Variants in AGBL1 observed in about 807,000 individuals in gnomAD.
AGBL1 encodes cytosolic carboxypeptidase 4.
AGBL1 carries 130 observed loss-of-function variants against 118.9 expected under a neutral mutation model. The ratio of observed to expected loss-of-function variants is 1.09; its 90% CI spans 0.95 to 1.26. The LOEUF is 1.26. Among genes scored for constraint, AGBL1 ranks in the 50% most tolerant of loss-of-function variants. AGBL1 has a pLI of 0.00. For synonymous variants in AGBL1, 555 were observed against 478.9 expected (o/e 1.16, Z -2.08); for missense variants, 1,584 against 1,298.1 (o/e 1.22, Z -3.38).
intron 21 of AGBL1, among the ~76,000 whole-genome samples, chr15:86,658,169 C>T (rs1473953437): frequency 2.0e-5 from 3 of 151,988 alleles, no homozygotes. Flanking sequence ...AATGTATTCT[C>T]GTAGCATCCT....
intron 24 of AGBL1, among the ~76,000 whole-genome samples, chr15:87,002,787 A>G (rs1307082121): frequency 1.3e-5 from 2 of 152,026 alleles, no homozygotes; most frequent in African/African-American, 4.8e-5. Context: ...TTTGTCTGTT[A>G]TTGGTGTATA....
chr15:86,717,511 C>A (rs2142708908), intron 22 of AGBL1, among the ~76,000 whole-genome samples: 1 of 152,216 alleles, frequency 6.6e-6, no homozygotes, highest in Middle Eastern at 3.4e-3. Flanking sequence ...TCTTCCATTA[C>A]AATTCTTATA....
intron 1 of AGBL1, among the ~76,000 whole-genome samples, chr15:86,124,291 C>A (rs1296470390): frequency 6.9e-6 from 1 of 144,350 alleles, no homozygotes; most frequent in Non-Finnish European, 1.5e-5. Flanking sequence ...GATTGCACCA[C>A]TGCACTACAG....
At chr15:86,544,122 A>G (rs577141793) in intron 19 of AGBL1, among the ~76,000 whole-genome samples, 22 of 152,202 alleles carry the variant, frequency 1.4e-4, no homozygotes, top group Admixed American at 7.9e-4. Flanking sequence ...TGTATAATAA[A>G]CCACAGCAAA....
chr15:86,307,764 GACAA>G (rs1429122241), intron 17 of AGBL1, among the ~76,000 whole-genome samples: 3 of 151,938 alleles, frequency 2.0e-5, no homozygotes, highest in Non-Finnish European at 2.9e-5. Flanking sequence ...TCTCTAATCA[GACAA>G]ACAGTTTTGT....
intron 24 of AGBL1, among the ~76,000 whole-genome samples, chr15:87,025,883 A>T (rs1465023339): frequency 1.3e-5 from 2 of 150,972 alleles, no homozygotes; most frequent in South Asian, 2.1e-4. Context: ...TCTTCAACAA[A>T]GCAAACAAAA....
At chr15:86,219,683 C>T (rs893083153) in intron 5 of AGBL1, among the ~76,000 whole-genome samples, 2 of 152,116 alleles carry the variant, frequency 1.3e-5, no homozygotes, top group Non-Finnish European at 2.9e-5. Context: ...CTGTACCACA[C>T]TGTGCTATGT....
intron 5 of AGBL1, among the ~76,000 whole-genome samples, chr15:86,192,128 A>C (rs2077732773): frequency 6.6e-6 from 1 of 151,548 alleles, no homozygotes; most frequent in Non-Finnish European, 1.5e-5. Flanking sequence ...CAATACACAC[A>C]CACCCACACA....
At chr15:86,960,430 C>G (rs751405621) in intron 23 of AGBL1, among the ~76,000 whole-genome samples, 2 of 151,922 alleles carry the variant, frequency 1.3e-5, no homozygotes, top group Admixed American at 1.3e-4. Flanking sequence ...GGGTAAGGAT[C>G]AGATTCAAGT....
chr15:86,179,525 A>G (rs1177205861), intron 5 of AGBL1, among the ~76,000 whole-genome samples: 1 of 152,170 alleles, frequency 6.6e-6, no homozygotes, highest in Non-Finnish European at 1.5e-5. Context: ...TCCCAATAAA[A>G]AGCGCAATAC....
chr15:86,383,122 C>T (rs913079387), intron 17 of AGBL1, among the ~76,000 whole-genome samples: 8 of 151,638 alleles, frequency 5.3e-5, no homozygotes, highest in Admixed American at 2.0e-4. Context: ...TTGTGCTGTT[C>T]TCATGTGGTG....
intron 18 of AGBL1, among the ~76,000 whole-genome samples, chr15:86,519,093 T>A (rs2083155857): frequency 2.0e-5 from 3 of 152,140 alleles, no homozygotes; most frequent in Admixed American, 6.6e-5. Context: ...AATAACATCA[T>A]CCTTTGATAT....
At chr15:86,871,144 T>C (rs574490798) in intron 22 of AGBL1, among the ~76,000 whole-genome samples, 2 of 152,304 alleles carry the variant, frequency 1.3e-5, no homozygotes, top group African/African-American at 4.8e-5. Context: ...AGAAAAGCCG[T>C]TGTCATTTTG....
intron 24 of AGBL1, among the ~76,000 whole-genome samples, chr15:87,000,176 T>C (rs1460154414): frequency 1.4e-5 from 1 of 70,730 alleles, no homozygotes; most frequent in African/African-American, 4.2e-5. Context: ...ATTTTGTAGG[T>C]TGCCTGTTCA....
intron 22 of AGBL1, among the ~76,000 whole-genome samples, chr15:86,896,271 G>A (rs926561536): frequency 2.6e-5 from 4 of 151,446 alleles, no homozygotes; most frequent in Non-Finnish European, 5.9e-5. Flanking sequence ...GCTGCTTTTC[G>A]TATCTGCTGA....
intron 23 of AGBL1, among the ~76,000 whole-genome samples, chr15:86,957,711 C>G (rs976384230): frequency 6.6e-6 from 1 of 151,892 alleles, no homozygotes; most frequent in Non-Finnish European, 1.5e-5. Flanking sequence ...AATTTCAAAA[C>G]AAATGTAGAT....
intron 19 of AGBL1, among the ~76,000 whole-genome samples, chr15:86,523,523 C>G (rs2083217933): frequency 6.6e-6 from 1 of 152,090 alleles, no homozygotes; most frequent in South Asian, 2.1e-4. Context: ...ATTGACCCCA[C>G]AACAAAGGCA....
intron 22 of AGBL1, among the ~76,000 whole-genome samples, chr15:86,770,695 A>G (rs2078164764): frequency 6.6e-6 from 1 of 151,940 alleles, no homozygotes; most frequent in Non-Finnish European, 1.5e-5. Flanking sequence ...TGTAGAGGGT[A>G]TCGTAGGAGC....
chr15:87,027,531 A>G (rs916176227), intron 24 of AGBL1, among the ~76,000 whole-genome samples: 4 of 151,216 alleles, frequency 2.6e-5, no homozygotes, highest in African/African-American at 9.7e-5. Context: ...TATGTATTAT[A>G]TAGATGTATA....
Sources: gnomAD v4.1 joint callset for allele counts (sites outside exome capture counted in the v4.1 genomes callset) on GRCh38, gnomAD v4.1.1 for gene constraint, MANE v1.5 for transcripts, NCBI Gene and HGNC (gene_info 2026-07-23, HGNC 2026-07-21) for gene names.